PLXDC2: variants seen among roughly 807,000 people sequenced by gnomAD.
PLXDC2 encodes the protein plexin domain-containing protein 2.
Under a neutral mutation model 68.9 loss-of-function variants are expected in PLXDC2, and 40 were observed. The observed-to-expected ratio is 0.58, with a 90% confidence interval of 0.45 to 0.76. The LOEUF (loss-of-function observed/expected upper bound fraction) is 0.76. Ranked by LOEUF, PLXDC2 falls within the 30% of genes least tolerant of loss-of-function variation. The pLI, the probability that PLXDC2 is intolerant of heterozygous loss-of-function variation, is 0.00. For missense variants in PLXDC2, 644 were observed against 661.9 expected, an observed-to-expected ratio of 0.97 and a Z score of 0.30; for synonymous variants, 243 against 234.2, an observed-to-expected ratio of 1.04 and a Z score of -0.34.
chr10:20,218,947 A>T, intron 11 of PLXDC2, 117 bp from the exon 12 acceptor site: 1 of 1,090,226 alleles, frequency 9.2e-7, no homozygotes, highest in South Asian at 1.5e-5. Flanking sequence ...ACAATAAATT[A>T]TCAAAATCTA....
In PLXDC2 at chr10:20,217,424, A is replaced by T; in HGVS notation, c.1123-2A>T. On this transcript the variant is annotated splice_acceptor_variant, in intron 10 of 13. Transcript: ENST00000377252. LOFTEE classifies it high-confidence loss of function. ...TGTTTTCCTTTTCTTTTCTCTTACT[A>T]GTCAAAAGAGAAGATGTGTGAGAAT... The T allele has an allele frequency of 6.2e-7, 1 of 1,606,314 alleles. No homozygotes were observed. The highest frequency in any genetic ancestry group is 8.5e-7 in the Non-Finnish European group (1 of 1,176,372).
intron 3 of PLXDC2, among the ~76,000 whole-genome samples, chr10:20,058,961 GT>G (rs1206215965): frequency 1.3e-5 from 2 of 152,138 alleles, no homozygotes; most frequent in African/African-American, 2.4e-5. Flanking sequence ...TGGTTTTGGA[GT>G]TTCAAAGGCC....
At chr10:20,048,182 A>T (rs982198482) in intron 3 of PLXDC2, among the ~76,000 whole-genome samples, 3 of 152,118 alleles carry the variant, frequency 2.0e-5, no homozygotes, top group African/African-American at 7.2e-5. Flanking sequence ...AAATATCAAA[A>T]TTTTTGGCAG....
intron 4 of PLXDC2, among the ~76,000 whole-genome samples, chr10:20,136,638 A>G (rs1833936767): frequency 6.6e-6 from 1 of 152,218 alleles, no homozygotes; most frequent in South Asian, 2.1e-4. Flanking sequence ...TAAATTTCAG[A>G]TCTATTTGAT....
chr10:20,174,254 A>C, intron 7 of PLXDC2, among the ~76,000 whole-genome samples: 1 of 152,132 alleles, frequency 6.6e-6, no homozygotes, highest in East Asian at 1.9e-4. Flanking sequence ...CGTAGGAATG[A>C]ATACTATTTA....
At chr10:19,894,117 G>A (rs1422036546) in intron 1 of PLXDC2, among the ~76,000 whole-genome samples, 2 of 152,164 alleles carry the variant, frequency 1.3e-5, no homozygotes, top group Non-Finnish European at 2.9e-5. Context: ...GTGCAGAACT[G>A]TGAGAAACCT....
chr10:19,946,754 G>A (rs1335587820), intron 1 of PLXDC2, among the ~76,000 whole-genome samples: 2 of 152,040 alleles, frequency 1.3e-5, no homozygotes, highest in South Asian at 2.1e-4. Flanking sequence ...CAGATCATCA[G>A]GCATTAGATT....
At chr10:19,850,136 G>T (rs1440900248) in intron 1 of PLXDC2, among the ~76,000 whole-genome samples, 3 of 152,180 alleles carry the variant, frequency 2.0e-5, no homozygotes, top group African/African-American at 7.2e-5. Flanking sequence ...TCAGGAGGGT[G>T]GGTGATGCTA....
At chr10:20,208,694 TG>T (rs1421933942) in intron 9 of PLXDC2, among the ~76,000 whole-genome samples, 1 of 152,128 alleles carries the variant, frequency 6.6e-6, no homozygotes, top group Non-Finnish European at 1.5e-5. Context: ...CAACTAAGTT[TG>T]GTAATTAAGA....
chr10:20,195,468 G>A (rs761099920), intron 9 of PLXDC2, among the ~76,000 whole-genome samples: 5 of 152,088 alleles, frequency 3.3e-5, no homozygotes, highest in Admixed American at 3.3e-4. Context: ...TTTCTCTGGG[G>A]CAGTTGTTGG....
intron 11 of PLXDC2, among the ~76,000 whole-genome samples, chr10:20,218,520 G>C (rs1835169300): frequency 6.6e-6 from 1 of 152,030 alleles, no homozygotes; most frequent in Non-Finnish European, 1.5e-5. Context: ...ACCCTTTAGA[G>C]TGAAACATAA....
intron 9 of PLXDC2, among the ~76,000 whole-genome samples, chr10:20,197,543 A>G (rs1206704037): frequency 6.6e-6 from 1 of 152,082 alleles, no homozygotes; most frequent in Non-Finnish European, 1.5e-5. Context: ...TTTTTAGTAG[A>G]AATGGGGTTT....
chr10:19,923,635 T>C (rs1833496786), intron 1 of PLXDC2, among the ~76,000 whole-genome samples: 1 of 152,174 alleles, frequency 6.6e-6, no homozygotes, highest in Non-Finnish European at 1.5e-5. Flanking sequence ...AAAAAGGAAC[T>C]AACAAGTCTT....
chr10:20,083,646 TAA>T lies in PLXDC2; in HGVS notation c.541+15410_541+15411del, dbSNP rs573573137. On this transcript the variant is annotated intron_variant, in intron 4 of 13. Transcript: ENST00000377252. ...TTTGTCAAACAAAATTAACAATATT[TAA>T]AAGAGTATGCAGTATAAAGCTTTCT... Among the ~76,000 whole-genome samples the T allele has an allele frequency of 5.3e-5, 8 of 152,372 alleles. No homozygotes were observed. The South Asian group carries it at 1.0e-3, about 20-fold the overall frequency.
chr10:20,238,662 A>AAAATATATATATATGTATATAT lies in PLXDC2; in HGVS notation c.1313-6682_1313-6681insAATATATATATATGTATATATA, dbSNP rs1175526348. 3.9e-3 allele frequency among the ~76,000 whole-genome samples: 125 copies of AAAATATATATATATGTATATAT among 31,652 alleles called. 2 individuals are homozygous for AAAATATATATATATGTATATAT. The highest frequency in any genetic ancestry group is 9.9e-3 in the Admixed American group (33 of 3,348). The allele number at this position is 31,652 out of a possible 152,430, so 20.8% of individuals were successfully genotyped here. On this transcript the variant is annotated intron_variant, in intron 12 of 13. Coordinates refer to ENST00000377252, the MANE Select transcript of PLXDC2 (RefSeq NM_032812.9). Reference sequence around the variant, plus strand: ...CAGAGAAAGACTCCATCTCAAAAAAAATATATATATATATGTATATATATA... The same window carrying AAAATATATATATATGTATATAT: ...CAGAGAAAGACTCCATCTCAAAAAAAAAATATATATATATGTATATATATATATATATATATGTATATATATA...
intron 1 of PLXDC2, among the ~76,000 whole-genome samples, chr10:19,845,112 C>G (rs1302331025): frequency 6.6e-6 from 1 of 152,128 alleles, no homozygotes; most frequent in Non-Finnish European, 1.5e-5. Context: ...TTGCCCACCC[C>G]CAACCTGTGG....
intron 1 of PLXDC2, among the ~76,000 whole-genome samples, chr10:19,856,940 C>A (rs1397560524): frequency 1.3e-5 from 2 of 152,114 alleles, no homozygotes; most frequent in African/African-American, 2.4e-5. Flanking sequence ...TAGATATGTA[C>A]AAAATAATTA....
chr10:20,100,544 T>C (rs1372867615), intron 4 of PLXDC2, among the ~76,000 whole-genome samples: 3 of 152,166 alleles, frequency 2.0e-5, no homozygotes. Flanking sequence ...CTGAATTTAA[T>C]TGATAGTTGA....
At chr10:19,922,062 T>C (rs1278921236) in intron 1 of PLXDC2, among the ~76,000 whole-genome samples, 18 of 152,136 alleles carry the variant, frequency 1.2e-4, no homozygotes, top group Admixed American at 1.2e-3. Flanking sequence ...TTTCACCTTG[T>C]TGGCAAGGCT....
Sources: allele counts gnomAD v4.1 joint callset (sites outside exome capture counted in the v4.1 genomes callset), GRCh38; gene constraint gnomAD v4.1.1; transcripts MANE v1.5; gene names NCBI Gene and HGNC (gene_info 2026-07-23, HGNC 2026-07-21).